The following DENND4A variants were observed in gnomAD, a reference collection of about 807,000 sequenced individuals.
DENND4A encodes the protein DENN domain containing 4A.
DENND4A carries 70 observed loss-of-function variants against 199.3 expected under a neutral mutation model. That is an observed-to-expected ratio of 0.35 (90% CI 0.29 to 0.43). The LOEUF (loss-of-function observed/expected upper bound fraction) is 0.43, where lower values mean the gene tolerates loss of function less well. Ranked by LOEUF, DENND4A falls within the 20% of genes least tolerant of loss-of-function variation. DENND4A has a pLI of 1.00. For synonymous variants in DENND4A, 686 were observed against 766.9 expected (o/e 0.89, Z 1.74); for missense variants, 1,723 against 2,255.8 (o/e 0.76, Z 4.78).
At chr15:65,705,791 A>T (rs1003778096) in intron 15 of DENND4A, among the ~76,000 whole-genome samples, 1 of 152,194 alleles carries the variant, frequency 6.6e-6, no homozygotes, top group African/African-American at 2.4e-5. Context: ...AAAAAAATCA[A>T]AATTCTAGTG....
At chr15:65,664,435 T>C in intron 31 of DENND4A, 41 bp from the exon 32 acceptor site, 8 of 1,519,138 alleles carry the variant, frequency 5.3e-6, no homozygotes, top group Non-Finnish European at 7.2e-6. Flanking sequence ...AGTATCCATA[T>C]AGTCCATATG....
intron 4 of DENND4A, among the ~76,000 whole-genome samples, chr15:65,745,352 T>TA (rs1265764187): frequency 3.3e-5 from 5 of 152,118 alleles, no homozygotes; most frequent in African/African-American, 1.2e-4. Flanking sequence ...TACTAAAAAA[T>TA]AAAAACCCTT....
At chr15:65,689,537 C>T (rs1274444775) in intron 23 of DENND4A, among the ~76,000 whole-genome samples, 1 of 152,178 alleles carries the variant, frequency 6.6e-6, no homozygotes, top group East Asian at 1.9e-4. Context: ...CAATTTTGGT[C>T]AGGCTTAGTC....
intron 32 of DENND4A, among the ~76,000 whole-genome samples, chr15:65,662,884 G>A (rs931724464): frequency 3.9e-5 from 6 of 152,212 alleles, no homozygotes; most frequent in Non-Finnish European, 7.4e-5. Flanking sequence ...TTGGAGGTCC[G>A]GAATTTTTTA....
chr15:65,763,058 G>T (rs1178545098), intron 1 of DENND4A, among the ~76,000 whole-genome samples: 1 of 152,012 alleles, frequency 6.6e-6, no homozygotes, highest in East Asian at 1.9e-4. Context: ...TTAAACACTA[G>T]ATGGAAAGAT....
intron 2 of DENND4A, among the ~76,000 whole-genome samples, chr15:65,757,261 A>AG (rs2076728070): frequency 1.8e-5 from 1 of 55,414 alleles, no homozygotes; most frequent in Non-Finnish European, 3.1e-5. Flanking sequence ...TTCTTCTGAG[A>AG]TGGGGGGGGG....
At chr15:65,771,627 G>A in intron 1 of DENND4A, 1 of 1,612,382 alleles carries the variant, frequency 6.2e-7, no homozygotes, top group Non-Finnish European at 8.5e-7. Context: ...CAATGCTGAT[G>A]TTGTTGGCTA....
At position 65,738,985 on chromosome 15, in the gene DENND4A, T is replaced by TTA. The variant is rs925341819; in HGVS notation, c.632-112_632-111dup. ...TTCACACATTTGGAATGCCAAAGCA[T>TTA]TATATATATGTTCATCAAATAACAC... On this transcript the variant is annotated intron_variant, in intron 5 of 32. Transcript: ENST00000443035. 7 of 792,472 alleles carry TTA rather than the reference T, an allele frequency of 8.8e-6. No individual in the cohort carries two copies. The Admixed American group carries it at 1.7e-4, about 19-fold the overall frequency. 49.1% of individuals were successfully genotyped at this position (792,472 alleles called of 1,614,324 possible).
At chr15:65,699,356 T>A (rs1407335242) in intron 20 of DENND4A, among the ~76,000 whole-genome samples, 1 of 152,072 alleles carries the variant, frequency 6.6e-6, no homozygotes, top group Admixed American at 6.5e-5. Flanking sequence ...TCAAAAGTCA[T>A]GTGTAATTTT....
intron 14 of DENND4A, among the ~76,000 whole-genome samples, chr15:65,707,206 T>C (rs77769213): frequency 0.042 from 6,449 of 151,940 alleles, 399 homozygotes; most frequent in African/African-American, 0.13. Flanking sequence ...CCAGAAAAAA[T>C]GAAAACTTCA....
At chr15:65,739,344 G>C (rs2076192135) in intron 5 of DENND4A, among the ~76,000 whole-genome samples, 1 of 152,132 alleles carries the variant, frequency 6.6e-6, no homozygotes, top group Admixed American at 6.5e-5. Flanking sequence ...CATAAAAATA[G>C]AAGAGTCACA....
At chr15:65,750,665 T>A (rs1474092632) in intron 4 of DENND4A, among the ~76,000 whole-genome samples, 1 of 152,108 alleles carries the variant, frequency 6.6e-6, no homozygotes, top group Non-Finnish European at 1.5e-5. Flanking sequence ...TTTTCTCACT[T>A]TCTACTCCAT....
chr15:65,737,364 A>T (rs915136009), intron 7 of DENND4A, among the ~76,000 whole-genome samples: 1 of 152,182 alleles, frequency 6.6e-6, no homozygotes, highest in African/African-American at 2.4e-5. Flanking sequence ...CAGCCCCAGT[A>T]AGAAATATTT....
chr15:65,699,897 C>G (rs1775687059), intron 20 of DENND4A, among the ~76,000 whole-genome samples: 1 of 151,746 alleles, frequency 6.6e-6, no homozygotes, highest in Non-Finnish European at 1.5e-5. Context: ...CAGACAGTCT[C>G]AAACTCCTGG....
At chr15:65,758,516 T>C (rs1339257915) in intron 2 of DENND4A, among the ~76,000 whole-genome samples, 1 of 152,018 alleles carries the variant, frequency 6.6e-6, no homozygotes, top group Non-Finnish European at 1.5e-5. Context: ...CTCATTTTGT[T>C]GCCCAGGCTG....
chr15:65,747,859 G>C (rs941465621), intron 4 of DENND4A, among the ~76,000 whole-genome samples: 2 of 151,934 alleles, frequency 1.3e-5, no homozygotes, highest in Non-Finnish European at 1.5e-5. Context: ...TGACCAACGT[G>C]GTGAAACCCC....
rs374214126 is a variant in DENND4A, at chr15:65,728,576, C to T, written c.1487+496G>A. The stretch of plus-strand genomic sequence containing the variant: ...TCAGCTCACCACAACCTCCACCTCC[C>T]GGGTTGAAGCAATTCTCCTGCTTCA... On this transcript the variant is annotated intron_variant, in intron 11 of 32. Transcript: ENST00000443035. Among the ~76,000 whole-genome samples the T allele has an allele frequency of 3.0e-3, 460 of 151,690 alleles. 3 individuals are homozygous for T. The highest frequency in any genetic ancestry group is 0.01 in the African/African-American group (423 of 41,336).
At chr15:65,743,833 G>A (rs1372219316) in intron 4 of DENND4A, among the ~76,000 whole-genome samples, 1 of 152,226 alleles carries the variant, frequency 6.6e-6, no homozygotes, top group Admixed American at 6.5e-5. Context: ...AATGACAGCA[G>A]AGAAGAGTAA....
At position 65,691,443 on chromosome 15, in the gene DENND4A, T is replaced by G. The variant is rs1336827816; in HGVS notation, c.3151A>C (p.Arg1051=). The part of the protein sequence containing the change: ...DTNETRNIQS[R]CFRKRHKSDN... ...CTTTTATGTCTTTTCCTGAAGCATCTACTTTGAATGTTTCGTGTTTCATTT... is the reference window on the plus strand; with the variant it reads ...CTTTTATGTCTTTTCCTGAAGCATCGACTTTGAATGTTTCGTGTTTCATTT... The change falls in exon 23 of 33, where the codon AGA becomes CGA. Residue 1051 remains arginine (R), a synonymous_variant. Transcript: ENST00000443035. 4 of 1,613,184 alleles carry G rather than the reference T, an allele frequency of 2.5e-6. No homozygotes were observed. The African/African-American group carries it at 5.3e-5, about 22-fold the overall frequency.
Sources: allele counts gnomAD v4.1 joint callset (sites outside exome capture counted in the v4.1 genomes callset), GRCh38; gene constraint gnomAD v4.1.1; transcripts MANE v1.5; gene names NCBI Gene and HGNC (gene_info 2026-07-23, HGNC 2026-07-21).